The following MXD1 variants were observed in gnomAD, a reference collection of about 807,000 sequenced individuals.
MXD1 encodes the protein MAX dimerization protein 1, also known as MAX-binding protein.
A neutral mutation model predicts 25.7 loss-of-function variants in MXD1; 9 were observed. The ratio of observed to expected loss-of-function variants is 0.35; its 90% CI spans 0.21 to 0.61. The LOEUF (loss-of-function observed/expected upper bound fraction) is 0.61. MXD1 is among the 20% of genes least tolerant of loss of function. MXD1 has a pLI of 0.75. For synonymous variants in MXD1, 99 were observed against 113.9 expected (o/e 0.87, Z 0.83); for missense variants, 227 against 292.4 (o/e 0.78, Z 1.63).
chr2:69,921,104 A>C (rs531568135), intron 2 of MXD1, among the ~76,000 whole-genome samples: 63 of 152,346 alleles, frequency 4.1e-4, no homozygotes, highest in African/African-American at 1.5e-3. Flanking sequence ...TATCAGTGGC[A>C]AAGCTGGACT....
Position 69,935,388 on chromosome 2 carries a change from G to C in MXD1, c.241G>C (p.Gly81Arg), listed in dbSNP as rs774706006. ...TCGCTTGTGCCTGGAGAAGTTGAAGGGGCTGGTGCCACTTGGACCCGAATC... is the reference window on the plus strand; with the variant it reads ...TCGCTTGTGCCTGGAGAAGTTGAAGCGGCTGGTGCCACTTGGACCCGAATC... ...HLRLCLEKLK[G>R]LVPLGPESSR... The change falls in exon 4 of 6, where the codon GGG (glycine) becomes CGG (arginine). Residue 81 changes from glycine (G) to arginine (R), a missense_variant. Gly to Arg is a moderately radical substitution (Grantham distance 125). Transcript: ENST00000264444. 2 of 1,614,106 alleles carry C rather than the reference G, an allele frequency of 1.2e-6. No homozygotes were observed. The highest frequency in any genetic ancestry group is 1.7e-6 in the Non-Finnish European group (2 of 1,179,998).
Position 69,939,555 on chromosome 2 carries a change from C to T in MXD1, c.*1271C>T, listed in dbSNP as rs1205109349. 6.6e-6 allele frequency: 1 copy of T among 152,518 alleles called. No individual in the cohort carries two copies. Among genetic ancestry groups the T allele is most frequent in the Non-Finnish European group, 1.5e-5 (1 of 68,014 alleles). 9.4% of individuals were successfully genotyped at this position (152,518 alleles called of 1,614,324 possible). A position where few individuals can be genotyped will look rare whatever the true frequency, so the allele number is the denominator to read the frequency against. On this transcript the variant is annotated 3_prime_UTR_variant, in exon 6 of 6. Coordinates refer to ENST00000264444, the MANE Select transcript of MXD1 (RefSeq NM_002357.4). ...TTATATAAACTAATGTAATGGAAAA[C>T]AAATTCTTATGACTTTGTGGTTTTA... is the stretch of plus-strand genomic sequence containing the variant.
chr2:69,937,593 T>C (rs547953663), intron 5 of MXD1, among the ~76,000 whole-genome samples, 199 bp downstream of exon 5: 25 of 152,320 alleles, frequency 1.6e-4, no homozygotes, highest in African/African-American at 6.0e-4. Context: ...AAGAGTTTGA[T>C]TGGTGTCAGT....
rs961552745 is a variant in MXD1 at position 69,940,395 on chromosome 2, G to A, written c.*2111G>A. Reference sequence around the variant, plus strand: ...TTTTGTTTCATTGCTACATCCAAGCGCCTCACAAGTCCACAATGCGGGACA... The same window carrying A: ...TTTTGTTTCATTGCTACATCCAAGCACCTCACAAGTCCACAATGCGGGACA... On this transcript the variant is annotated 3_prime_UTR_variant, in exon 6 of 6. Coordinates refer to ENST00000264444, the MANE Select transcript of MXD1 (RefSeq NM_002357.4). 1 of 152,464 alleles carries A rather than the reference G, an allele frequency of 6.6e-6. No homozygotes were observed. The highest frequency in any genetic ancestry group is 1.5e-5 in the Non-Finnish European group (1 of 68,024). The allele number at this position is 152,464 out of a possible 1,614,324, so 9.4% of individuals were successfully genotyped here.
chr2:69,929,039 G>A (rs1677223745), intron 3 of MXD1, among the ~76,000 whole-genome samples: 1 of 152,168 alleles, frequency 6.6e-6, no homozygotes, highest in African/African-American at 2.4e-5. Flanking sequence ...GATTACAGAT[G>A]TGTGCCACCG....
intron 3 of MXD1, among the ~76,000 whole-genome samples, chr2:69,932,806 C>T (rs1403385157): frequency 6.6e-6 from 1 of 152,084 alleles, no homozygotes; most frequent in African/African-American, 2.4e-5. Flanking sequence ...GCATATAAAC[C>T]AACATCATAA....
intron 3 of MXD1, among the ~76,000 whole-genome samples, chr2:69,927,055 T>C (rs11893500): frequency 0.53 from 80,994 of 152,152 alleles, 23,459 homozygotes; most frequent in African/African-American, 0.78. Flanking sequence ...GGGAAGACTC[T>C]GCAGCCCAAT....
intron 3 of MXD1, among the ~76,000 whole-genome samples, chr2:69,931,336 C>A (rs1677278177): frequency 6.6e-6 from 1 of 152,086 alleles, no homozygotes; most frequent in Admixed American, 6.5e-5. Flanking sequence ...CCCCCGCTAC[C>A]TTTCCCAGCC....
chr2:69,930,653 A>G (rs1024848205), intron 3 of MXD1, among the ~76,000 whole-genome samples: 2 of 152,274 alleles, frequency 1.3e-5, no homozygotes, highest in African/African-American at 4.8e-5. Context: ...TCAAGGAAGT[A>G]TTCAGAAAAG....
intron 3 of MXD1, among the ~76,000 whole-genome samples, chr2:69,923,898 G>A (rs1036880193): frequency 6.6e-6 from 1 of 152,216 alleles, no homozygotes; most frequent in Middle Eastern, 3.4e-3. Flanking sequence ...CTAGTTCTTC[G>A]CCCCTCTAAT....
chr2:69,941,863 TAC>T lies in MXD1; in HGVS notation c.*3601_*3602del, dbSNP rs373492726. The T allele has an allele frequency of 9.1e-3, 1,313 of 144,648 alleles. 16 individuals carry two copies. The highest frequency in any genetic ancestry group is 0.031 in the African/African-American group (1,177 of 38,498). The allele number at this position is 144,648 out of a possible 1,614,324, so 9.0% of individuals were successfully genotyped here. Reference sequence around the variant, plus strand: ...CTTATTTTTGAAAAGTATCTATATATACACACACACACACACACACACATATT... The same window carrying T: ...CTTATTTTTGAAAAGTATCTATATATACACACACACACACACACACATATT... On this transcript the variant is annotated 3_prime_UTR_variant, in exon 6 of 6. Transcript: ENST00000264444.
In MXD1 at chr2:69,936,971, A is replaced by G. The variant is rs572231119; in HGVS notation, c.319-264A>G. 5.1e-5 allele frequency: 30 copies of G among 586,050 alleles called. No individual in the cohort carries two copies. The Admixed American group carries it at 5.7e-4, about 11-fold the overall frequency. 36.3% of individuals were successfully genotyped at this position (586,050 alleles called of 1,614,324 possible). A position where few individuals can be genotyped will look rare whatever the true frequency, so the allele number is the denominator to read the frequency against. On this transcript the variant is annotated intron_variant, in intron 4 of 5. Coordinates refer to ENST00000264444, the MANE Select transcript of MXD1 (RefSeq NM_002357.4). ...CTTTCTGATACTAAAACTGAGGGCT[A>G]CCAGGGTGCCAGTATGTGAGAGCTC...
chr2:69,917,209 C>G (rs982744664), intron 2 of MXD1, among the ~76,000 whole-genome samples: 3 of 152,196 alleles, frequency 2.0e-5, no homozygotes, highest in African/African-American at 7.2e-5. Flanking sequence ...ATCACTTGTT[C>G]TTGCTGCGTC....
intron 3 of MXD1, among the ~76,000 whole-genome samples, chr2:69,933,485 A>G (rs1262030619): frequency 2.2e-5 from 3 of 136,944 alleles, no homozygotes; most frequent in Non-Finnish European, 4.6e-5. Flanking sequence ...CAGGTTTTTC[A>G]GAAGAAGTGA....
chr2:69,936,897 G>T, intron 4 of MXD1: 1 of 479,618 alleles, frequency 2.1e-6, no homozygotes. Flanking sequence ...AGGTGTTCAG[G>T]GGATTGCTGC....
At chr2:69,928,029 T>C (rs189427694) in intron 3 of MXD1, among the ~76,000 whole-genome samples, 23 of 152,260 alleles carry the variant, frequency 1.5e-4, no homozygotes, top group Admixed American at 1.4e-3. Context: ...GGCTTTGTTC[T>C]CAATGCAGAA....
chr2:69,926,993 T>C (rs1302036761), intron 3 of MXD1, among the ~76,000 whole-genome samples: 2 of 152,234 alleles, frequency 1.3e-5, no homozygotes, highest in Admixed American at 6.5e-5. Flanking sequence ...AGCTACTACC[T>C]CTGCCAGAGT....
chr2:69,937,638 G>A (rs932997542), intron 5 of MXD1, among the ~76,000 whole-genome samples: 15 of 152,070 alleles, frequency 9.9e-5, no homozygotes, highest in African/African-American at 1.4e-4. Flanking sequence ...GTTTTGAGAC[G>A]GAATCTTGCT....
chr2:69,934,007 C>T (rs573425607), intron 3 of MXD1, among the ~76,000 whole-genome samples: 1 of 152,338 alleles, frequency 6.6e-6, no homozygotes, highest in East Asian at 1.9e-4. Flanking sequence ...GAGATGGACT[C>T]TGTCCTCTAG....
Sources: allele counts gnomAD v4.1 joint callset (sites outside exome capture counted in the v4.1 genomes callset), GRCh38; gene constraint gnomAD v4.1.1; transcripts MANE v1.5; gene names NCBI Gene and HGNC (gene_info 2026-07-23, HGNC 2026-07-21).